OSBPL1A: variants seen among roughly 807,000 people sequenced by gnomAD.
OSBPL1A encodes oxysterol binding protein like 1A.
Under a neutral mutation model 137.1 loss-of-function variants are expected in OSBPL1A, and 80 were observed. The ratio of observed to expected loss-of-function variants is 0.58; its 90% CI spans 0.49 to 0.70. The LOEUF (loss-of-function observed/expected upper bound fraction) is 0.70, where lower values mean the gene tolerates loss of function less well. Ranked by LOEUF, OSBPL1A falls within the 30% of genes least tolerant of loss-of-function variation. OSBPL1A has a pLI of 0.00. For synonymous variants in OSBPL1A, 365 were observed against 389.7 expected (o/e 0.94, Z 0.75); for missense variants, 970 against 1,129.4 (o/e 0.86, Z 2.02).
intron 17 of OSBPL1A, among the ~76,000 whole-genome samples, chr18:24,197,527 A>G (rs1204378855): frequency 6.6e-6 from 1 of 152,134 alleles, no homozygotes; most frequent in Non-Finnish European, 1.5e-5. Context: ...TCCATGGTGG[A>G]ATTCTTCTAG....
At chr18:24,345,710 G>A (rs1484467999) in intron 4 of OSBPL1A, among the ~76,000 whole-genome samples, 1 of 152,038 alleles carries the variant, frequency 6.6e-6, no homozygotes, top group Non-Finnish European at 1.5e-5. Context: ...GTTGATAAAG[G>A]AGATGTAGAT....
At chr18:24,206,370 T>C (rs1347287051) in intron 17 of OSBPL1A, among the ~76,000 whole-genome samples, 1 of 152,226 alleles carries the variant, frequency 6.6e-6, no homozygotes, top group Admixed American at 6.5e-5. Flanking sequence ...TAAGACATAA[T>C]GAAGCAACTC....
chr18:24,387,183 G>A (rs891652035), intron 1 of OSBPL1A, among the ~76,000 whole-genome samples: 4 of 151,982 alleles, frequency 2.6e-5, no homozygotes, highest in East Asian at 1.9e-4. Flanking sequence ...CTCCCGAGTA[G>A]CTGAGACTAC....
At chr18:24,382,302 G>A (rs933786926) in intron 1 of OSBPL1A, among the ~76,000 whole-genome samples, 18 of 150,950 alleles carry the variant, frequency 1.2e-4, no homozygotes, top group Non-Finnish European at 1.9e-4. Flanking sequence ...AGCTACTCAG[G>A]AGTCTGAGGC....
chr18:24,393,220 T>C (rs1224395179), intron 1 of OSBPL1A, among the ~76,000 whole-genome samples: 1 of 152,236 alleles, frequency 6.6e-6, no homozygotes, highest in African/African-American at 2.4e-5. Flanking sequence ...TAGATACACA[T>C]ATTATGTATA....
intron 4 of OSBPL1A, among the ~76,000 whole-genome samples, chr18:24,366,116 T>C (rs1282444895): frequency 6.6e-6 from 1 of 152,172 alleles, no homozygotes; most frequent in Non-Finnish European, 1.5e-5. Context: ...GTTCCATTAA[T>C]TTGCTAGAGC....
chr18:24,346,906 C>G (rs2091355214), intron 4 of OSBPL1A, among the ~76,000 whole-genome samples: 2 of 84,592 alleles, frequency 2.4e-5, no homozygotes, highest in African/African-American at 1.2e-4. Context: ...CTGTGCCTAG[C>G]TATTTTTTTT....
Position 24,337,978 on chromosome 18 carries a change from G to A in OSBPL1A, c.394+3569C>T, listed in dbSNP as rs926936784. On this transcript the variant is annotated intron_variant, in intron 5 of 27. Coordinates refer to ENST00000319481, the MANE Select transcript of OSBPL1A (RefSeq NM_080597.4). ...TATGTAACAGTCTCAACCAGATATG[G>A]CAAAATGTTAATAATTGGTGAATTT... Among the ~76,000 whole-genome samples the A allele has an allele frequency of 5.2e-4, 79 of 151,736 alleles. 1 individual carries two copies. The highest frequency in any genetic ancestry group is 5.9e-4 in the Admixed American group (9 of 15,210).
At chr18:24,181,721 C>T (rs1302711038) in intron 18 of OSBPL1A, among the ~76,000 whole-genome samples, 1 of 152,210 alleles carries the variant, frequency 6.6e-6, no homozygotes, top group African/African-American at 2.4e-5. Context: ...CGCTGAAACC[C>T]TCTCCCCTGT....
chr18:24,230,523 C>T (rs1484809791), intron 16 of OSBPL1A, among the ~76,000 whole-genome samples: 1 of 152,272 alleles, frequency 6.6e-6, no homozygotes, highest in South Asian at 2.1e-4. Flanking sequence ...GATGCATGGA[C>T]TATATTCTGG....
At chr18:24,343,585 T>C (rs1181813942) in intron 4 of OSBPL1A, among the ~76,000 whole-genome samples, 1 of 152,146 alleles carries the variant, frequency 6.6e-6, no homozygotes, top group Non-Finnish European at 1.5e-5. Flanking sequence ...AGAGTTACCA[T>C]AATCAAAACA....
chr18:24,310,326 C>T (rs1417580317), intron 13 of OSBPL1A, among the ~76,000 whole-genome samples: 13 of 150,604 alleles, frequency 8.6e-5, no homozygotes, highest in Non-Finnish European at 1.3e-4. Context: ...TTGTGGCTCA[C>T]GTCTGTAATC....
chr18:24,215,890 T>C (rs925978691), intron 17 of OSBPL1A, among the ~76,000 whole-genome samples: 6 of 152,208 alleles, frequency 3.9e-5, no homozygotes, highest in African/African-American at 1.4e-4. Context: ...AGAGGGTACA[T>C]CTTTGGATAA....
chr18:24,387,735 A>C (rs1397130507), intron 1 of OSBPL1A, among the ~76,000 whole-genome samples: 1 of 151,818 alleles, frequency 6.6e-6, no homozygotes, highest in East Asian at 1.9e-4. Flanking sequence ...TTCTCATCTA[A>C]GAACCATCCA....
chr18:24,298,760 G>GT (rs2090343970), intron 14 of OSBPL1A, among the ~76,000 whole-genome samples: 1 of 152,200 alleles, frequency 6.6e-6, no homozygotes, highest in Non-Finnish European at 1.5e-5. Context: ...GTTCCACAGT[G>GT]TAGTTTAAGG....
intron 16 of OSBPL1A, among the ~76,000 whole-genome samples, chr18:24,227,488 C>T (rs1190265706): frequency 2.0e-5 from 3 of 152,096 alleles, no homozygotes; most frequent in Non-Finnish European, 4.4e-5. Flanking sequence ...TGAAGAAAGG[C>T]CAGTCTGGTT....
chr18:24,349,143 G>A (rs2091396877), intron 4 of OSBPL1A, among the ~76,000 whole-genome samples: 1 of 151,960 alleles, frequency 6.6e-6, no homozygotes, highest in Non-Finnish European at 1.5e-5. Flanking sequence ...ATCCAGCCTG[G>A]GAGACAGAGT....
intron 18 of OSBPL1A, among the ~76,000 whole-genome samples, chr18:24,191,358 T>A (rs1287799051): frequency 6.6e-6 from 1 of 152,152 alleles, no homozygotes; most frequent in African/African-American, 2.4e-5. Context: ...GACATTTTTT[T>A]AAAAACCCAA....
At chr18:24,171,636 A>G in intron 22 of OSBPL1A, 138 bp from the exon 23 acceptor site, 1 of 656,736 alleles carries the variant, frequency 1.5e-6, no homozygotes, top group South Asian at 2.0e-5. Flanking sequence ...TAAAGTGATA[A>G]TGATTAATCC....
Sources: gnomAD v4.1 joint callset for allele counts (sites outside exome capture counted in the v4.1 genomes callset) on GRCh38, gnomAD v4.1.1 for gene constraint, MANE v1.5 for transcripts, NCBI Gene and HGNC (gene_info 2026-07-23, HGNC 2026-07-21) for gene names.